DNAJC12: variants seen among roughly 807,000 people sequenced by gnomAD.
DNAJC12 encodes the protein dnaJ homolog subfamily C member 12.
A neutral mutation model predicts 28.5 loss-of-function variants in DNAJC12; 25 were observed. The ratio of observed to expected loss-of-function variants is 0.88; its 90% confidence interval spans 0.64 to 1.22. The LOEUF (loss-of-function observed/expected upper bound fraction) is 1.22, where lower values mean the gene tolerates loss of function less well. DNAJC12 is among the 50% of genes most tolerant of loss of function. The pLI, the probability that DNAJC12 is intolerant of heterozygous loss-of-function variation, is 0.00. For synonymous variants in DNAJC12, 77 were observed against 80.6 expected, an observed-to-expected ratio of 0.95 and a Z score of 0.24; for missense variants, 222 against 231.7, an observed-to-expected ratio of 0.96 and a Z score of 0.27.
At chr10:67,832,197 G>A (rs949529983) in intron 1 of DNAJC12, among the ~76,000 whole-genome samples, 82 of 149,960 alleles carry the variant, frequency 5.5e-4, no homozygotes, top group Admixed American at 4.7e-3. Flanking sequence ...CCCGGGAGGC[G>A]AAGGTTGCAG....
At chr10:67,819,686 GAA>G (rs1564863181) in intron 2 of DNAJC12, among the ~76,000 whole-genome samples, 1 of 14,782 alleles carries the variant, frequency 6.8e-5, no homozygotes, top group African/African-American at 2.8e-4. Context: ...AAGAAAGAAA[GAA>G]AGAAAGAAAG....
At chr10:67,798,473 A>G (rs900168199) in intron 4 of DNAJC12, among the ~76,000 whole-genome samples, 1 of 151,904 alleles carries the variant, frequency 6.6e-6, no homozygotes, top group African/African-American at 2.4e-5. Flanking sequence ...TGAGCTCAGG[A>G]GTTCGAGACC....
chr10:67,828,141 A>G (rs1441751612), intron 1 of DNAJC12, among the ~76,000 whole-genome samples: 1 of 152,202 alleles, frequency 6.6e-6, no homozygotes, highest in Admixed American at 6.5e-5. Flanking sequence ...AATCAAATAA[A>G]TCAAAATATC....
chr10:67,836,609 C>T (rs947374865), intron 1 of DNAJC12, among the ~76,000 whole-genome samples: 5 of 151,984 alleles, frequency 3.3e-5, no homozygotes, highest in African/African-American at 9.7e-5. Context: ...CAAATCACCA[C>T]CAACATAAAC....
chr10:67,815,376 T>C (rs1446870983), intron 2 of DNAJC12, among the ~76,000 whole-genome samples: 1 of 151,340 alleles, frequency 6.6e-6, no homozygotes, highest in Non-Finnish European at 1.5e-5. Context: ...GGCGTGGTGG[T>C]GCATGCCTGT....
At chr10:67,819,521 C>G (rs1841950268) in intron 2 of DNAJC12, among the ~76,000 whole-genome samples, 1 of 151,240 alleles carries the variant, frequency 6.6e-6, no homozygotes. Flanking sequence ...CGCCTGTAAT[C>G]CCAGCTTCTC....
intron 4 of DNAJC12, among the ~76,000 whole-genome samples, chr10:67,802,751 T>C (rs114561571): frequency 0.023 from 3,443 of 152,266 alleles, 136 homozygotes; most frequent in African/African-American, 0.078. Context: ...AAGAGAAGTC[T>C]CTTAATAATA....
At chr10:67,808,995 AC>A (rs1305007173) in intron 3 of DNAJC12, among the ~76,000 whole-genome samples, 1 of 152,196 alleles carries the variant, frequency 6.6e-6, no homozygotes, top group Non-Finnish European at 1.5e-5. Flanking sequence ...CCAGCTGGGA[AC>A]CCAGAAACAA....
chr10:67,819,728 A>G (rs1177309292), intron 2 of DNAJC12, among the ~76,000 whole-genome samples: 12 of 19,510 alleles, frequency 6.2e-4, no homozygotes, highest in Non-Finnish European at 1.0e-3. Context: ...GCAAGGAAGG[A>G]AGGAAGGAAG....
In DNAJC12 at chr10:67,807,900, T is replaced by C. The variant is rs959825020; in HGVS notation, c.298-2113A>G. On this transcript the variant is annotated intron_variant, in intron 3 of 4. Coordinates refer to ENST00000225171, the MANE Select transcript of DNAJC12 (RefSeq NM_021800.3). ...GTGAGTAAATCAGAATAAAATATGT[T>C]ATCAGACTCCCATATCTGCTGATCC... Among the ~76,000 whole-genome samples the C allele has an allele frequency of 3.9e-5, 6 of 152,230 alleles. No individual in the cohort carries two copies. In the East Asian group the frequency reaches 5.8e-4, roughly 15 times the overall value.
chr10:67,834,797 G>A (rs901792304), intron 1 of DNAJC12, among the ~76,000 whole-genome samples: 1 of 151,956 alleles, frequency 6.6e-6, no homozygotes, highest in Non-Finnish European at 1.5e-5. Flanking sequence ...CTCCAGCCTG[G>A]GCAACACAGT....
chr10:67,801,709 G>A (rs1841746148), intron 4 of DNAJC12, among the ~76,000 whole-genome samples: 1 of 149,898 alleles, frequency 6.7e-6, no homozygotes, highest in Non-Finnish European at 1.5e-5. Flanking sequence ...AGAATCTCTT[G>A]AACCCAGGAG....
chr10:67,812,303 A>G (rs1841869163), intron 2 of DNAJC12, among the ~76,000 whole-genome samples: 2 of 152,156 alleles, frequency 1.3e-5, no homozygotes, highest in Non-Finnish European at 2.9e-5. Context: ...GTAGACAGAC[A>G]ATAGCTCAAT....
intron 4 of DNAJC12, among the ~76,000 whole-genome samples, chr10:67,799,160 T>C: frequency 6.6e-6 from 1 of 152,294 alleles, no homozygotes; most frequent in South Asian, 2.1e-4. Flanking sequence ...TTAATAATAT[T>C]GCTAATGAAA....
intron 2 of DNAJC12, 85 bp downstream of exon 2, chr10:67,823,229 T>C (rs1589610656): frequency 7.2e-6 from 8 of 1,107,656 alleles, no homozygotes; most frequent in South Asian, 2.7e-5. Context: ...CAAGAGAAAA[T>C]TGAGAAAATT....
intron 2 of DNAJC12, 127 bp downstream of exon 2, chr10:67,823,187 T>C: frequency 1.4e-6 from 1 of 731,248 alleles, no homozygotes; most frequent in Non-Finnish European, 2.3e-6. Flanking sequence ...CATCCAATAG[T>C]GCAAAGAAAG....
chr10:67,798,039 CAGAAAA>C (rs907365473), intron 4 of DNAJC12, among the ~76,000 whole-genome samples: 1 of 124,494 alleles, frequency 8.0e-6, no homozygotes, highest in African/African-American at 3.3e-5. Context: ...GATTCTGTCT[CAGAAAA>C]AAAAAAAAAA....
intron 4 of DNAJC12, among the ~76,000 whole-genome samples, chr10:67,799,667 A>G (rs920281484): frequency 6.6e-6 from 1 of 151,778 alleles, no homozygotes; most frequent in Non-Finnish European, 1.5e-5. Flanking sequence ...GGCAGATCAC[A>G]AGGTTGGGAA....
chr10:67,821,072 T>C lies in DNAJC12; in HGVS notation c.157+2242A>G, dbSNP rs1841977302. 2.0e-5 allele frequency among the ~76,000 whole-genome samples: 3 copies of C among 151,868 alleles called. No individual in the cohort carries two copies. The South Asian group carries it at 6.2e-4, about 32-fold the overall frequency. Reference sequence around the variant, plus strand: ...TGCTGGAATTACAGGTGTGAGCCACTGCACCCAGCCAAGGAAAACATTTTC... The same window carrying C: ...TGCTGGAATTACAGGTGTGAGCCACCGCACCCAGCCAAGGAAAACATTTTC... On this transcript the variant is annotated intron_variant, in intron 2 of 4. Coordinates refer to ENST00000225171, the MANE Select transcript of DNAJC12 (RefSeq NM_021800.3).
Sources: gnomAD v4.1 joint callset for allele counts (sites outside exome capture counted in the v4.1 genomes callset) on GRCh38, gnomAD v4.1.1 for gene constraint, MANE v1.5 for transcripts, NCBI Gene and HGNC (gene_info 2026-07-23, HGNC 2026-07-21) for gene names.